The following NDUFV3 variants were observed in gnomAD, a reference collection of about 807,000 sequenced individuals.
The protein encoded by NDUFV3 is NADH:ubiquinone oxidoreductase subunit V3, also known as NADH dehydrogenase [ubiquinone] flavoprotein 3, mitochondrial.
NDUFV3 carries 44 observed loss-of-function variants against 37.5 expected under a neutral mutation model. That is an observed-to-expected ratio of 1.17 (90% CI 0.92 to 1.51). The LOEUF is 1.51. NDUFV3 is among the 40% of genes most tolerant of loss of function. The probability of loss-of-function intolerance (pLI) is 0.00; values close to 1 mark genes in which losing one functional copy is unlikely to be tolerated. For synonymous variants in NDUFV3, 235 were observed against 239.3 expected (o/e 0.98, Z 0.17); for missense variants, 580 against 580.4 (o/e 1.00, Z 0.01).
rs148581183 is a variant in NDUFV3 at position 42,897,865 on chromosome 21, G to A, written c.169+818G>A. On this transcript the variant is annotated intron_variant, in intron 2 of 3. Transcript: ENST00000354250. ...CTAATTTTTTACATTTTTAGTAGAG[G>A]TGGGGTTTCACCATGTTAGCCGGGA... 4.3e-3 allele frequency among the ~76,000 whole-genome samples: 638 copies of A among 149,082 alleles called. 3 individuals carry two copies. Among genetic ancestry groups the A allele is most frequent in the African/African-American group, 0.014 (561 of 40,482 alleles).
chr21:42,895,983 TC>T (rs2058688875), intron 1 of NDUFV3, among the ~76,000 whole-genome samples: 3 of 113,418 alleles, frequency 2.6e-5, no homozygotes, highest in African/African-American at 4.3e-5. Context: ...TGGTTGTTTT[TC>T]TTTTTTTTTT....
chr21:42,908,136 G>A (rs949081966), intron 3 of NDUFV3, among the ~76,000 whole-genome samples: 26 of 151,806 alleles, frequency 1.7e-4, no homozygotes, highest in African/African-American at 5.1e-4. Context: ...GTGAAACCCC[G>A]TCTCTACTAA....
rs1375961151 is a variant in NDUFV3 at position 42,893,355 on chromosome 21, C to T, written c.22C>T (p.Arg8Trp). The T allele has an allele frequency of 1.3e-5, 20 of 1,538,134 alleles. No homozygotes were observed. The highest frequency in any genetic ancestry group is 4.1e-5 in the African/African-American group (3 of 72,948). The stretch of plus-strand genomic sequence containing the variant: ...CGCCATGGCTGCCCCGTGTTTGCTG[C>T]GGCAAGGACGAGCCGGGGCGCTGAA... MAAPCLL[R>W]QGRAGALKTM... The change falls in exon 1 of 4, where the codon CGG (arginine) becomes TGG (tryptophan). Residue 8 changes from arginine to tryptophan, a missense_variant. By Grantham distance (101) the Arg-to-Trp change is moderately radical. Transcript: ENST00000354250.
At chr21:42,893,713 C>T (rs557857449) in intron 1 of NDUFV3, among the ~76,000 whole-genome samples, 1 of 152,226 alleles carries the variant, frequency 6.6e-6, no homozygotes, top group South Asian at 2.1e-4. Flanking sequence ...GTGATGCTGC[C>T]GCGCGGCTGG....
In NDUFV3 at chr21:42,911,107, G is replaced by T. The variant is rs2058769005; in HGVS notation, c.*2086G>T. ...AAAATACAAAAATTAGCCAACTGTG[G>T]TGGTGCGTGCCTGTAATCCCAGCTA... On this transcript the variant is annotated 3_prime_UTR_variant, in exon 4 of 4. Coordinates refer to ENST00000354250, the MANE Select transcript of NDUFV3 (RefSeq NM_021075.4). 1 of 152,282 alleles carries T rather than the reference G, an allele frequency of 6.6e-6. No homozygotes were observed. The highest frequency in any genetic ancestry group is 1.5e-5 in the Non-Finnish European group (1 of 68,126). 9.4% of individuals were successfully genotyped at this position (152,282 alleles called of 1,614,324 possible). A position where few individuals can be genotyped will look rare whatever the true frequency, so the allele number is the denominator to read the frequency against.
At position 42,911,363 on chromosome 21, in the gene NDUFV3, T is replaced by A. The variant is rs2058770039; in HGVS notation, c.*2342T>A. On this transcript the variant is annotated 3_prime_UTR_variant, in exon 4 of 4. Coordinates refer to ENST00000354250, the MANE Select transcript of NDUFV3 (RefSeq NM_021075.4). ...GCCAGATTCTTCTAAACACATTTTT[T>A]ATAATAAAAGTGGTAAAACTACATT... The A allele has an allele frequency of 6.6e-6, 1 of 151,858 alleles. No homozygotes were observed. The highest frequency in any genetic ancestry group is 2.4e-5 in the African/African-American group (1 of 41,332). The allele number at this position is 151,858 out of a possible 1,614,324, so 9.4% of individuals were successfully genotyped here.
intron 1 of NDUFV3, 39 bp downstream of exon 1, chr21:42,893,420 G>A (rs146258645): frequency 0.021 from 31,769 of 1,533,700 alleles, 420 homozygotes; most frequent in Middle Eastern, 0.038. Context: ...GCGCGGCCCC[G>A]AGCCTACGTA....
At chr21:42,897,375 C>T (rs926166640) in intron 2 of NDUFV3, among the ~76,000 whole-genome samples, 2 of 152,054 alleles carry the variant, frequency 1.3e-5, no homozygotes, top group African/African-American at 4.8e-5. Context: ...GCCAGAAAGC[C>T]ACCTTACTTT....
chr21:42,898,252 T>C (rs148249648), intron 2 of NDUFV3, among the ~76,000 whole-genome samples: 6 of 152,266 alleles, frequency 3.9e-5, no homozygotes, highest in Non-Finnish European at 7.4e-5. Flanking sequence ...CTGCCTCGTT[T>C]TTCAATCATT....
intron 1 of NDUFV3, among the ~76,000 whole-genome samples, chr21:42,893,845 G>T (rs148634607): frequency 6.6e-6 from 1 of 152,368 alleles, no homozygotes; most frequent in East Asian, 1.9e-4. Context: ...ACTGACAGCC[G>T]TTGAGAAGCC....
intron 2 of NDUFV3, among the ~76,000 whole-genome samples, chr21:42,899,530 C>T (rs902992275): frequency 6.6e-6 from 1 of 152,110 alleles, no homozygotes; most frequent in African/African-American, 2.4e-5. Context: ...CTGCAACCTC[C>T]GCCTCCTGGG....
chr21:42,903,677 A>G lies in NDUFV3; in HGVS notation c.665A>G (p.Glu222Gly). 6.2e-7 allele frequency: 1 copy of G among 1,614,152 alleles called. No homozygotes were observed. Among genetic ancestry groups the G allele is most frequent in the Non-Finnish European group, 8.5e-7 (1 of 1,180,038 alleles). ...QKPHVDITDPEKPHQPKKKGS... is the reference protein window; with the variant it reads ...QKPHVDITDPGKPHQPKKKGS... Reference sequence around the variant, plus strand: ...CCGCATGTGGACATTACTGATCCAGAGAAGCCCCACCAGCCAAAGAAGAAA... The same window carrying G: ...CCGCATGTGGACATTACTGATCCAGGGAAGCCCCACCAGCCAAAGAAGAAA... The change falls in exon 3 of 4, where the codon GAG (glutamate) becomes GGG (glycine). Residue 222 changes from glutamate (E) to glycine (G), a missense_variant. Coordinates refer to ENST00000354250, the MANE Select transcript of NDUFV3 (RefSeq NM_021075.4).
intron 1 of NDUFV3, among the ~76,000 whole-genome samples, chr21:42,894,563 T>A (rs185785560): frequency 0.072 from 2,280 of 31,604 alleles, 93 homozygotes; most frequent in African/African-American, 0.28. Context: ...ATATATATAT[T>A]TTTTTTTGAG....
Position 42,909,136 on chromosome 21 carries a change from CTTTTTTTTTTTTT to C in NDUFV3, c.*126_*138del. 2.3e-6 allele frequency: 1 copy of C among 434,502 alleles called. No individual in the cohort carries two copies. Among genetic ancestry groups the C allele is most frequent in the East Asian group, 6.7e-5 (1 of 15,034 alleles). The allele number at this position is 434,502 out of a possible 1,614,324, so 26.9% of individuals were successfully genotyped here. The stretch of plus-strand genomic sequence containing the variant: ...TGTGCATAATCGGTTTCACTTTTAC[CTTTTTTTTTTTTT>C]TTTTTTTTTTGAGACAGGGTCTCAC... On this transcript the variant is annotated 3_prime_UTR_variant, in exon 4 of 4. Transcript: ENST00000354250.
intron 1 of NDUFV3, among the ~76,000 whole-genome samples, chr21:42,893,813 G>T (rs1207807573): frequency 6.6e-6 from 1 of 152,254 alleles, no homozygotes; most frequent in Non-Finnish European, 1.5e-5. Context: ...AACTTTCAGG[G>T]ACCTGGTTAA....
At chr21:42,905,862 C>CTTT (rs2058738900) in intron 3 of NDUFV3, among the ~76,000 whole-genome samples, 1 of 109,124 alleles carries the variant, frequency 9.2e-6, no homozygotes. Flanking sequence ...ATGATGTTAC[C>CTTT]ATTTTTTTTT....
In NDUFV3 at chr21:42,893,438, G is replaced by A. The variant is rs187914983; in HGVS notation, c.48+57G>A. The A allele has an allele frequency of 6.8e-4, 1,031 of 1,525,286 alleles. 4 individuals are homozygous for A. In the African/African-American group the frequency reaches 0.01, roughly 15 times the overall value. 94.5% of individuals were successfully genotyped at this position (1,525,286 alleles called of 1,614,324 possible). ...CGGCCCCGAGCCTACGTAGGGGATG[G>A]GGTGAGGGGGCGCGGTGCTGGTCAG... On this transcript the variant is annotated intron_variant, in intron 1 of 3. Coordinates refer to ENST00000354250, the MANE Select transcript of NDUFV3 (RefSeq NM_021075.4).
Position 42,903,363 on chromosome 21 carries a change from A to T in NDUFV3, c.351A>T (p.Ser117=). Residue 117 remains serine, a synonymous_variant, in exon 3 of 4, where the codon TCA becomes TCT. Transcript: ENST00000354250. ...ATGAAGGGGTTCCGAAATTTTTGTC[A>T]AGAAAGACTTTGGTAGAGTTTCCAC... ...FTDEGVPKFL[S]RKTLVEFPQK... The T allele has an allele frequency of 6.2e-7, 1 of 1,614,218 alleles. No homozygotes were observed. The highest frequency in any genetic ancestry group is 1.3e-5 in the African/African-American group (1 of 75,068).
At position 42,910,345 on chromosome 21, in the gene NDUFV3, A is replaced by G. The variant is rs1402858592; in HGVS notation, c.*1324A>G. On this transcript the variant is annotated 3_prime_UTR_variant, in exon 4 of 4. Coordinates refer to ENST00000354250, the MANE Select transcript of NDUFV3 (RefSeq NM_021075.4). ...ATCAAAAAAAAGGAACAGGAATGTT[A>G]CTAATTTTAACTACTGCATTGCAAA... 1.3e-5 allele frequency: 2 copies of G among 152,300 alleles called. No individual in the cohort carries two copies. Among genetic ancestry groups the G allele is most frequent in the Non-Finnish European group, 2.9e-5 (2 of 68,082 alleles). The allele number at this position is 152,300 out of a possible 1,614,324, so 9.4% of individuals were successfully genotyped here.
Sources: gnomAD v4.1 joint callset for allele counts (sites outside exome capture counted in the v4.1 genomes callset) on GRCh38, gnomAD v4.1.1 for gene constraint, MANE v1.5 for transcripts, NCBI Gene and HGNC (gene_info 2026-07-23, HGNC 2026-07-21) for gene names.